FRYL: variants seen among roughly 807,000 people sequenced by gnomAD.
FRYL encodes the protein FRY like transcription coactivator, also known as protein furry homolog-like.
Under a neutral mutation model 351.2 loss-of-function variants are expected in FRYL, and 150 were observed. The observed-to-expected ratio is 0.43, with a 90% confidence interval of 0.37 to 0.49. The LOEUF (loss-of-function observed/expected upper bound fraction) is 0.49, where lower values mean the gene tolerates loss of function less well. FRYL is among the 20% of genes least tolerant of loss of function. FRYL has a pLI of 0.00. For missense variants in FRYL, 3,036 were observed against 3,619.3 expected, an observed-to-expected ratio of 0.84 and a Z score of 4.13; for synonymous variants, 1,153 against 1,257.1, an observed-to-expected ratio of 0.92 and a Z score of 1.75.
chr4:48,537,951 C>T (rs199602991), intron 47 of FRYL, among the ~76,000 whole-genome samples: 1 of 152,056 alleles, frequency 6.6e-6, no homozygotes, highest in Non-Finnish European at 1.5e-5. Flanking sequence ...TACACTTTCC[C>T]CCTTATATTT....
In FRYL at chr4:48,546,091, G is replaced by C. The variant is rs1332532860; in HGVS notation, c.5255C>G (p.Thr1752Ser). Residue 1752 changes from threonine (T) to serine (S), a missense_variant, in exon 42 of 64, where the codon ACC (threonine) becomes AGC (serine). Coordinates refer to ENST00000358350, the MANE Select transcript of FRYL (RefSeq NM_015030.2). Reference protein sequence around the residue: ...ISVEQDGKVKTLMEFITSRKR... With the variant: ...ISVEQDGKVKSLMEFITSRKR... Reference sequence around the variant, plus strand: ...CCTTGAGGTAATGAATTCCATGAGGGTTTTGACTTTTCCATCCTGCTCCAC... The same window carrying C: ...CCTTGAGGTAATGAATTCCATGAGGCTTTTGACTTTTCCATCCTGCTCCAC... 1 of 1,613,314 alleles carries C rather than the reference G, an allele frequency of 6.2e-7. No homozygotes were observed. The highest frequency in any genetic ancestry group is 8.5e-7 in the Non-Finnish European group (1 of 1,179,722).
intron 18 of FRYL, among the ~76,000 whole-genome samples, chr4:48,588,036 C>G (rs1015913481): frequency 1.3e-5 from 2 of 152,230 alleles, no homozygotes; most frequent in African/African-American, 4.8e-5. Context: ...TTTGCTTTCG[C>G]TCTTTGGTCC....
intron 3 of FRYL, among the ~76,000 whole-genome samples, chr4:48,636,302 G>A (rs1355489102): frequency 1.3e-5 from 2 of 152,032 alleles, no homozygotes; most frequent in Admixed American, 6.6e-5. Context: ...AACATTAAGA[G>A]TACCATAATT....
At chr4:48,769,237 G>A (rs1371576723) in intron 1 of FRYL, among the ~76,000 whole-genome samples, 1 of 152,134 alleles carries the variant, frequency 6.6e-6, no homozygotes, top group Non-Finnish European at 1.5e-5. Flanking sequence ...CAGAGAAAAT[G>A]TTTACATACC....
At chr4:48,686,557 G>A (rs1342866480) in intron 2 of FRYL, among the ~76,000 whole-genome samples, 1 of 151,800 alleles carries the variant, frequency 6.6e-6, no homozygotes, top group Non-Finnish European at 1.5e-5. Flanking sequence ...TTGTGGGCAC[G>A]GTCCTGCACT....
intron 28 of FRYL, 43 bp from the exon 29 acceptor site, chr4:48,565,734 T>A (rs1736627081): frequency 1.3e-6 from 2 of 1,571,830 alleles, no homozygotes; most frequent in Admixed American, 1.9e-5. Flanking sequence ...TCCATTTCTT[T>A]TTGCTTTAAC....
intron 47 of FRYL, 38 bp from the exon 48 acceptor site, chr4:48,535,865 A>G: frequency 7.2e-7 from 1 of 1,396,260 alleles, no homozygotes; most frequent in Non-Finnish European, 9.5e-7. Flanking sequence ...CACCTAAAAT[A>G]AAGACACAAG....
intron 13 of FRYL, among the ~76,000 whole-genome samples, chr4:48,599,657 T>C (rs1195910967): frequency 1.3e-5 from 2 of 152,212 alleles, no homozygotes; most frequent in African/African-American, 4.8e-5. Context: ...GCAAGAGCTA[T>C]GGAACTATGT....
At chr4:48,597,689 G>T (rs1024002306) in intron 13 of FRYL, among the ~76,000 whole-genome samples, 1 of 152,074 alleles carries the variant, frequency 6.6e-6, no homozygotes, top group Non-Finnish European at 1.5e-5. Flanking sequence ...ATACATTAAA[G>T]ATATTTAAGT....
chr4:48,654,031 AT>A, intron 3 of FRYL: 1 of 741,672 alleles, frequency 1.3e-6, no homozygotes, highest in Non-Finnish European at 1.8e-6. Context: ...TTACAAGTTT[AT>A]TATAAGTGCC....
chr4:48,762,696 C>T (rs149795349), intron 1 of FRYL, among the ~76,000 whole-genome samples: 55 of 152,240 alleles, frequency 3.6e-4, no homozygotes, highest in African/African-American at 9.9e-4. Context: ...CATGAACACA[C>T]ACTAAAATTT....
rs56312141 is a variant in FRYL at position 48,739,421 on chromosome 4, A to AAAAAAAT, written c.-383-28724_-383-28723insATTTTTT. 1.2e-4 allele frequency among the ~76,000 whole-genome samples: 14 copies of AAAAAAAT among 117,102 alleles called. 4 individuals are homozygous for AAAAAAAT. The highest frequency in any genetic ancestry group is 5.4e-4 in the South Asian group (2 of 3,690). The allele number at this position is 117,102 out of a possible 152,430, so 76.8% of individuals were successfully genotyped here. Reference sequence around the variant, plus strand: ...GTCTCAAAAAAAAAAAAAAAAAAAAACAACTAATCTTTGAAAATGGAGCAA... The same window carrying AAAAAAAT: ...GTCTCAAAAAAAAAAAAAAAAAAAAAAAAAAATCAACTAATCTTTGAAAATGGAGCAA... On this transcript the variant is annotated intron_variant, in intron 1 of 63. Coordinates refer to ENST00000358350, the MANE Select transcript of FRYL (RefSeq NM_015030.2).
intron 2 of FRYL, among the ~76,000 whole-genome samples, chr4:48,700,717 G>A (rs148140237): frequency 8.6e-5 from 13 of 151,426 alleles, no homozygotes; most frequent in African/African-American, 3.2e-4. Flanking sequence ...TGGGAGGATC[G>A]CTTGAGCCCA....
At chr4:48,650,204 G>T (rs1757327793) in intron 3 of FRYL, among the ~76,000 whole-genome samples, 1 of 152,086 alleles carries the variant, frequency 6.6e-6, no homozygotes, top group Non-Finnish European at 1.5e-5. Flanking sequence ...GACATCAGTA[G>T]CATAATATTA....
chr4:48,506,617 TATA>T (rs1721034644), intron 59 of FRYL: 2 of 2,152 alleles, frequency 9.3e-4, no homozygotes. Flanking sequence ...ATACAACTAA[TATA>T]TATATATATA....
intron 4 of FRYL, among the ~76,000 whole-genome samples, chr4:48,632,951 A>G (rs912523236): frequency 5.3e-5 from 8 of 152,188 alleles, no homozygotes; most frequent in Admixed American, 5.2e-4. Flanking sequence ...CACAGGTTCT[A>G]AAGCCAATAT....
intron 56 of FRYL, among the ~76,000 whole-genome samples, chr4:48,513,715 T>C (rs919323832): frequency 6.6e-6 from 1 of 152,108 alleles, no homozygotes; most frequent in East Asian, 1.9e-4. Flanking sequence ...AAAGCAGACA[T>C]CTGAAGTGAA....
At chr4:48,635,560 T>A (rs1440317647) in intron 3 of FRYL, among the ~76,000 whole-genome samples, 1 of 152,180 alleles carries the variant, frequency 6.6e-6, no homozygotes, top group Non-Finnish European at 1.5e-5. Flanking sequence ...GTAAGCTGCA[T>A]CAGGCTTGGC....
chr4:48,549,808 GGAGA>G lies in FRYL; in HGVS notation c.4634-189_4634-186del, dbSNP rs765085057. 1.1e-4 allele frequency among the ~76,000 whole-genome samples: 16 copies of G among 152,074 alleles called. No homozygotes were observed. The highest frequency in any genetic ancestry group is 2.1e-4 in the Non-Finnish European group (14 of 68,016). ...ATCAAATTAAGCAAACCAGGGAGAGGGAGAGAGAGAAAGAGATTAATTTAGGTTC... is the reference window on the plus strand; with the variant it reads ...ATCAAATTAAGCAAACCAGGGAGAGGGAGAGAAAGAGATTAATTTAGGTTC... On this transcript the variant is annotated intron_variant, in intron 38 of 63. Transcript: ENST00000358350. The surrounding 1 kb of genome is among the most constrained non-coding windows in gnomAD (Gnocchi z 4.2).
Sources: allele counts gnomAD v4.1 joint callset (sites outside exome capture counted in the v4.1 genomes callset), GRCh38; gene constraint gnomAD v4.1.1; non-coding constraint Gnocchi (gnomAD v3.1); transcripts MANE v1.5; gene names NCBI Gene and HGNC (gene_info 2026-07-23, HGNC 2026-07-21).